The following SSBP2 variants were observed in gnomAD, a reference collection of about 807,000 sequenced individuals.
SSBP2 encodes the protein single-stranded DNA-binding protein 2.
In SSBP2, 17 loss-of-function variants were observed where a neutral mutation model predicts 61.8. The observed-to-expected ratio is 0.28, with a 90% CI of 0.19 to 0.41. SSBP2 has a LOEUF of 0.41. Among genes scored for constraint, SSBP2 ranks in the 10% least tolerant of loss-of-function variants. The pLI, the probability that SSBP2 is intolerant of heterozygous loss-of-function variation, is 1.00. For synonymous variants in SSBP2, 139 were observed against 141.3 expected, an observed-to-expected ratio of 0.98 and a Z score of 0.12; for missense variants, 310 against 458.7, an observed-to-expected ratio of 0.68 and a Z score of 2.96.
At chr5:81,527,298 C>T (rs1770019696) in intron 4 of SSBP2, among the ~76,000 whole-genome samples, 1 of 151,912 alleles carries the variant, frequency 6.6e-6, no homozygotes, top group Non-Finnish European at 1.5e-5. Context: ...TGGAACAGCA[C>T]AAGTGAAAAG....
intron 3 of SSBP2, among the ~76,000 whole-genome samples, chr5:81,623,624 C>T (rs1433672441): frequency 1.3e-5 from 2 of 152,054 alleles, no homozygotes; most frequent in African/African-American, 4.8e-5. Flanking sequence ...CTTGAGCCAC[C>T]GCGCCCGGTC....
intron 10 of SSBP2, 52 bp from the exon 11 acceptor site, chr5:81,448,877 A>T (rs766167191): frequency 1.5e-6 from 2 of 1,321,612 alleles, no homozygotes; most frequent in Non-Finnish European, 2.2e-6. Flanking sequence ...CAATATGGAC[A>T]CTGACCTAAA....
At chr5:81,654,770 T>C (rs1750059917) in intron 1 of SSBP2, among the ~76,000 whole-genome samples, 2 of 152,096 alleles carry the variant, frequency 1.3e-5, no homozygotes, top group South Asian at 2.1e-4. Flanking sequence ...GGGAGTGACA[T>C]TGTCCATCCA....
chr5:81,568,853 A>T (rs1773635584), intron 4 of SSBP2, among the ~76,000 whole-genome samples: 1 of 152,250 alleles, frequency 6.6e-6, no homozygotes, highest in South Asian at 2.1e-4. Flanking sequence ...AAAGTCTGTT[A>T]GAAATATAAC....
At chr5:81,672,596 A>C (rs919975183) in intron 1 of SSBP2, among the ~76,000 whole-genome samples, 1 of 144,334 alleles carries the variant, frequency 6.9e-6, no homozygotes, top group Admixed American at 7.0e-5. Context: ...TTTGAGATGG[A>C]GTTTCACTCT....
chr5:81,566,259 C>T (rs1225687610), intron 4 of SSBP2, among the ~76,000 whole-genome samples: 2 of 151,936 alleles, frequency 1.3e-5, no homozygotes, highest in African/African-American at 4.8e-5. Context: ...TGGCTGTGTC[C>T]CCACCCAAAT....
chr5:81,488,826 C>T (rs1013462715), intron 6 of SSBP2, among the ~76,000 whole-genome samples: 2 of 150,678 alleles, frequency 1.3e-5, no homozygotes, highest in East Asian at 2.0e-4. Flanking sequence ...TCTTTATTGC[C>T]GTTCTTTAAA....
chr5:81,749,968 G>T (rs1211027370), intron 1 of SSBP2, among the ~76,000 whole-genome samples: 3 of 152,030 alleles, frequency 2.0e-5, no homozygotes, highest in Non-Finnish European at 2.9e-5. Context: ...CCCCGCCACA[G>T]CTGCCCTCCT....
intron 3 of SSBP2, among the ~76,000 whole-genome samples, chr5:81,616,986 A>G (rs1746126958): frequency 7.9e-6 from 1 of 127,070 alleles, no homozygotes; most frequent in Non-Finnish European, 1.7e-5. Flanking sequence ...AGTAGATAAA[A>G]CCACAAAGAT....
chr5:81,581,506 C>A (rs998840067), intron 4 of SSBP2, among the ~76,000 whole-genome samples: 1 of 152,132 alleles, frequency 6.6e-6, no homozygotes, highest in Non-Finnish European at 1.5e-5. Context: ...TGAAAAATTC[C>A]ATTTCAACCT....
chr5:81,661,678 C>G (rs1750713545), intron 1 of SSBP2, among the ~76,000 whole-genome samples: 3 of 152,158 alleles, frequency 2.0e-5, no homozygotes, highest in Admixed American at 2.0e-4. Context: ...TGTCCTTTCC[C>G]CACTTTGTAA....
At position 81,693,119 on chromosome 5, in the gene SSBP2, C is replaced by A. The variant is rs1323597201; in HGVS notation, c.63-42780G>T. Among the ~76,000 whole-genome samples the A allele has an allele frequency of 4.7e-5, 7 of 149,972 alleles. No individual in the cohort carries two copies. The Admixed American group carries it at 4.7e-4, about 10-fold the overall frequency. On this transcript the variant is annotated intron_variant, in intron 1 of 16. Coordinates refer to ENST00000320672, the MANE Select transcript of SSBP2 (RefSeq NM_012446.5). ...ACTCAGGAGGCCGAGGCAGGAGAAT[C>A]GCTTGAACCTGGAGGCAGAGGTTGC...
intron 2 of SSBP2, among the ~76,000 whole-genome samples, chr5:81,641,464 C>T (rs889918450): frequency 2.6e-5 from 4 of 152,146 alleles, no homozygotes; most frequent in Non-Finnish European, 4.4e-5. Flanking sequence ...GTAAAACTTC[C>T]GTCCATCATA....
chr5:81,600,572 A>AC lies in SSBP2; in HGVS notation c.282+14900_282+14901insG, dbSNP rs1440456082. The stretch of plus-strand genomic sequence containing the variant: ...GCAAGACTCTGTCTCAAAAAAAAAA[A>AC]AAAAAAAACAAAAACCAGAAAGAAA... On this transcript the variant is annotated intron_variant, in intron 4 of 16. Coordinates refer to ENST00000320672, the MANE Select transcript of SSBP2 (RefSeq NM_012446.5). Among the ~76,000 whole-genome samples the AC allele has an allele frequency of 2.6e-5, 4 of 151,152 alleles. No homozygotes were observed. The East Asian group carries it at 7.8e-4, about 29-fold the overall frequency.
intron 1 of SSBP2, among the ~76,000 whole-genome samples, chr5:81,721,307 T>G (rs534950186): frequency 6.6e-6 from 1 of 152,162 alleles, no homozygotes; most frequent in African/African-American, 2.4e-5. Flanking sequence ...CCCGAATATC[T>G]TTCCTAACTT....
intron 4 of SSBP2, among the ~76,000 whole-genome samples, chr5:81,521,632 G>A (rs946886035): frequency 6.6e-6 from 1 of 151,846 alleles, no homozygotes; most frequent in African/African-American, 2.4e-5. Flanking sequence ...AGATTTGAAG[G>A]ACATTTTCCT....
At chr5:81,486,336 T>TTTG (rs1207418726) in intron 6 of SSBP2, among the ~76,000 whole-genome samples, 1 of 152,176 alleles carries the variant, frequency 6.6e-6, no homozygotes, top group African/African-American at 2.4e-5. Flanking sequence ...AAGTGTTCAT[T>TTTG]TTGTTAGTCT....
At chr5:81,430,357 T>C (rs1015538511) in intron 15 of SSBP2, among the ~76,000 whole-genome samples, 2 of 152,122 alleles carry the variant, frequency 1.3e-5, no homozygotes, top group African/African-American at 4.8e-5. Context: ...AAGGATGCAG[T>C]TGGAAGCTGC....
intron 4 of SSBP2, among the ~76,000 whole-genome samples, chr5:81,614,086 C>A (rs866955969): frequency 6.6e-6 from 1 of 152,182 alleles, no homozygotes; most frequent in African/African-American, 2.4e-5. Context: ...ACAGGCCGGG[C>A]GCGGTGGCTC....
Sources: gnomAD v4.1 joint callset for allele counts (sites outside exome capture counted in the v4.1 genomes callset) on GRCh38, gnomAD v4.1.1 for gene constraint, MANE v1.5 for transcripts, NCBI Gene and HGNC (gene_info 2026-07-23, HGNC 2026-07-21) for gene names.